GALNT17: variants seen among roughly 807,000 people sequenced by gnomAD.
GALNT17 encodes the protein polypeptide N-acetylgalactosaminyltransferase 17, also known as UDP-GalNAc:polypeptide N-acetylgalactosaminyltransferase-like 3.
A neutral mutation model predicts 63.7 loss-of-function variants in GALNT17; 29 were observed. That is an observed-to-expected ratio of 0.46 (90% CI 0.34 to 0.62). The LOEUF (loss-of-function observed/expected upper bound fraction) is 0.62. Ranked by LOEUF, GALNT17 falls within the 20% of genes least tolerant of loss-of-function variation. The probability of loss-of-function intolerance (pLI) is 0.01; values close to 1 mark genes in which losing one functional copy is unlikely to be tolerated. For synonymous variants in GALNT17, 305 were observed against 318.3 expected (o/e 0.96, Z 0.45); for missense variants, 603 against 799.6 (o/e 0.75, Z 2.97).
At chr7:71,563,950 C>T (rs888127022) in intron 5 of GALNT17, among the ~76,000 whole-genome samples, 18 of 152,118 alleles carry the variant, frequency 1.2e-4, no homozygotes, top group Non-Finnish European at 2.4e-4. Flanking sequence ...GTCTCAAACT[C>T]CTGAGCTAAA....
At chr7:71,144,824 A>G (rs1411400515) in intron 1 of GALNT17, among the ~76,000 whole-genome samples, 2 of 151,910 alleles carry the variant, frequency 1.3e-5, no homozygotes, top group Non-Finnish European at 2.9e-5. Context: ...TGCCTCCTGG[A>G]CTCAAGCAAT....
At chr7:71,447,022 C>A (rs1310693939) in intron 5 of GALNT17, among the ~76,000 whole-genome samples, 2 of 152,194 alleles carry the variant, frequency 1.3e-5, no homozygotes, top group East Asian at 3.9e-4. Flanking sequence ...TCACACACTA[C>A]TCATTCCTTT....
chr7:71,412,279 T>G (rs1244790174), intron 3 of GALNT17, among the ~76,000 whole-genome samples: 1 of 152,202 alleles, frequency 6.6e-6, no homozygotes, highest in East Asian at 1.9e-4. Context: ...CCCTCCTTCC[T>G]GCCTCCTAAA....
chr7:71,227,826 A>G (rs978436572), intron 1 of GALNT17, among the ~76,000 whole-genome samples: 1 of 152,150 alleles, frequency 6.6e-6, no homozygotes, highest in African/African-American at 2.4e-5. Context: ...TGGCTGAGCG[A>G]GTCTGAGAGA....
At chr7:71,246,856 ATAC>A (rs1790108708) in intron 1 of GALNT17, among the ~76,000 whole-genome samples, 1 of 150,938 alleles carries the variant, frequency 6.6e-6, no homozygotes, top group Non-Finnish European at 1.5e-5. Flanking sequence ...ATAATTATGA[ATAC>A]CCTTTAGAAG....
At chr7:71,447,906 C>T (rs1787188024) in intron 5 of GALNT17, among the ~76,000 whole-genome samples, 1 of 152,192 alleles carries the variant, frequency 6.6e-6, no homozygotes, top group South Asian at 2.1e-4. Context: ...GTGCTATGGC[C>T]TCATCCATCA....
chr7:71,539,707 C>CTTTTTTTTTTTTT (rs71089953), intron 5 of GALNT17, among the ~76,000 whole-genome samples: 4 of 71,416 alleles, frequency 5.6e-5, no homozygotes, highest in Admixed American at 2.5e-4. Context: ...TTAGTCCCAC[C>CTTTTTTTTTTTTT]TTTTTTTTTT....
At chr7:71,657,542 A>G (rs1262195528) in intron 6 of GALNT17, among the ~76,000 whole-genome samples, 1 of 151,978 alleles carries the variant, frequency 6.6e-6, no homozygotes, top group Non-Finnish European at 1.5e-5. Flanking sequence ...AGTACCTGGC[A>G]CCCTGCATCC....
intron 6 of GALNT17, among the ~76,000 whole-genome samples, chr7:71,590,158 T>C (rs535450320): frequency 5.3e-5 from 8 of 152,228 alleles, no homozygotes; most frequent in Non-Finnish European, 1.2e-4. Context: ...ATTATATTTA[T>C]GTCGAAGTTA....
intron 1 of GALNT17, among the ~76,000 whole-genome samples, chr7:71,194,128 C>T (rs570737478): frequency 4.6e-5 from 7 of 152,248 alleles, no homozygotes; most frequent in African/African-American, 1.4e-4. Context: ...TCACTGCAGC[C>T]TTGACCTCCT....
intron 9 of GALNT17, among the ~76,000 whole-genome samples, chr7:71,683,430 C>T (rs1654461470): frequency 6.6e-6 from 1 of 152,168 alleles, no homozygotes; most frequent in Admixed American, 6.6e-5. Context: ...GCTCCTGTAA[C>T]CAGGCGGCTC....
At chr7:71,592,164 A>C (rs888786752) in intron 6 of GALNT17, among the ~76,000 whole-genome samples, 1 of 152,010 alleles carries the variant, frequency 6.6e-6, no homozygotes, top group African/African-American at 2.4e-5. Flanking sequence ...AGCAGGAAGG[A>C]ATCAAGGCTG....
intron 9 of GALNT17, among the ~76,000 whole-genome samples, chr7:71,690,036 T>A (rs28833823): frequency 1.1e-4 from 16 of 143,902 alleles, no homozygotes; most frequent in South Asian, 2.3e-4. Context: ...TTTTTTTTTC[T>A]TTTTTTTGAG....
intron 5 of GALNT17, among the ~76,000 whole-genome samples, chr7:71,447,747 C>T (rs1017903222): frequency 2.0e-5 from 3 of 152,116 alleles, no homozygotes; most frequent in African/African-American, 7.2e-5. Flanking sequence ...TTAACCATTG[C>T]CTTTCTGTTT....
At chr7:71,205,659 C>T (rs1789258937) in intron 1 of GALNT17, among the ~76,000 whole-genome samples, 1 of 151,982 alleles carries the variant, frequency 6.6e-6, no homozygotes, top group South Asian at 2.1e-4. Context: ...TTTTTTGATG[C>T]TACTGTAAAT....
intron 9 of GALNT17, among the ~76,000 whole-genome samples, chr7:71,702,682 G>T (rs1229095395): frequency 6.6e-6 from 1 of 152,174 alleles, no homozygotes; most frequent in Non-Finnish European, 1.5e-5. Flanking sequence ...AGGGAGGCAA[G>T]GAGGGGGAAC....
At chr7:71,615,893 G>T (rs1387466140) in intron 6 of GALNT17, among the ~76,000 whole-genome samples, 1 of 152,162 alleles carries the variant, frequency 6.6e-6, no homozygotes, top group Non-Finnish European at 1.5e-5. Context: ...AGGAGGAAAG[G>T]AAGGAGCTTT....
intron 6 of GALNT17, among the ~76,000 whole-genome samples, chr7:71,623,716 G>A (rs1383240849): frequency 6.6e-6 from 1 of 152,162 alleles, no homozygotes; most frequent in Non-Finnish European, 1.5e-5. Context: ...GATTACCGGC[G>A]TGAGCCACCG....
intron 5 of GALNT17, among the ~76,000 whole-genome samples, chr7:71,488,350 A>G (rs141970638): frequency 6.6e-6 from 1 of 152,004 alleles, no homozygotes; most frequent in Non-Finnish European, 1.5e-5. Flanking sequence ...CCTGGAGTAC[A>G]GCGTAGTCCT....
Sources: allele counts gnomAD v4.1 joint callset (sites outside exome capture counted in the v4.1 genomes callset), GRCh38; gene constraint gnomAD v4.1.1; transcripts MANE v1.5; gene names NCBI Gene and HGNC (gene_info 2026-07-23, HGNC 2026-07-21).